Variants in CSMD1 observed in about 807,000 individuals in gnomAD.
CSMD1 encodes CUB and Sushi multiple domains 1.
In CSMD1, 213 loss-of-function variants were observed where a neutral mutation model predicts 417.5. That is an observed-to-expected ratio of 0.51 (90% CI 0.46 to 0.57). The LOEUF (loss-of-function observed/expected upper bound fraction) is 0.57. CSMD1 is among the 20% of genes least tolerant of loss of function. The pLI is 0.00. For missense variants in CSMD1, 6,923 were observed against 4,529.7 expected (o/e 1.53, Z -15.17); for synonymous variants, 2,862 against 1,736.8 (o/e 1.65, Z -16.11).
At chr8:3,293,674 A>G (rs987606886) in intron 25 of CSMD1, among the ~76,000 whole-genome samples, 1 of 152,116 alleles carries the variant, frequency 6.6e-6, no homozygotes, top group Admixed American at 6.6e-5. Flanking sequence ...GTTTTCAGCT[A>G]CATCAGGTCC....
rs76964447 is a variant in CSMD1, at chr8:3,607,901, G to C, written c.1097+8809C>G. Among the ~76,000 whole-genome samples, 437 of 152,314 alleles carry C rather than the reference G, an allele frequency of 2.9e-3. 1 individual carries two copies. Among genetic ancestry groups the C allele is most frequent in the Non-Finnish European group, 2.5e-3 (173 of 68,036 alleles). ...AGTAAAGGAAGTAGCCAGGCACAGT[G>C]GTTCATGCCTGTAATCCCAGCACTT... On this transcript the variant is annotated intron_variant, in intron 8 of 69. Transcript: ENST00000635120.
At chr8:4,768,098 G>C (rs1445147874) in intron 1 of CSMD1, among the ~76,000 whole-genome samples, 1 of 152,068 alleles carries the variant, frequency 6.6e-6, no homozygotes, top group Non-Finnish European at 1.5e-5. Context: ...GCAGTTATGT[G>C]TTCTCTCATA....
chr8:3,932,968 G>A (rs749666379), intron 5 of CSMD1, among the ~76,000 whole-genome samples: 1 of 147,044 alleles, frequency 6.8e-6, no homozygotes, highest in Non-Finnish European at 1.5e-5. Flanking sequence ...TAAATTTTTT[G>A]CTTTCTAATA....
At chr8:3,128,703 G>C (rs1368869642) in intron 41 of CSMD1, 1 of 355,674 alleles carries the variant, frequency 2.8e-6, no homozygotes, top group South Asian at 2.3e-5. Context: ...AAATAAAATA[G>C]CTCAAATTCA....
chr8:4,125,885 C>T (rs550440693), intron 3 of CSMD1, among the ~76,000 whole-genome samples: 2 of 152,258 alleles, frequency 1.3e-5, no homozygotes, highest in East Asian at 1.9e-4. Context: ...TTAGGACTTA[C>T]GGTTTAGGAG....
At chr8:4,427,376 A>C (rs1211889179) in intron 2 of CSMD1, among the ~76,000 whole-genome samples, 1 of 152,118 alleles carries the variant, frequency 6.6e-6, no homozygotes, top group Non-Finnish European at 1.5e-5. Context: ...ATCTGGAACC[A>C]GGTGCTTTAT....
intron 5 of CSMD1, among the ~76,000 whole-genome samples, chr8:3,853,627 C>A (rs1307151283): frequency 1.3e-5 from 2 of 151,818 alleles, no homozygotes; most frequent in East Asian, 1.9e-4. Flanking sequence ...AGACCTTGTG[C>A]CCCTGTGAGC....
intron 52 of CSMD1, among the ~76,000 whole-genome samples, chr8:3,008,299 T>C (rs906520755): frequency 1.3e-5 from 2 of 152,152 alleles, no homozygotes; most frequent in African/African-American, 2.4e-5. Flanking sequence ...GTGAGGTCAG[T>C]TGAGTCTGAG....
chr8:2,947,795 C>A (rs73657525), intron 68 of CSMD1, among the ~76,000 whole-genome samples: 98 of 152,264 alleles, frequency 6.4e-4, no homozygotes, highest in African/African-American at 2.3e-3. Flanking sequence ...TGCATTTATT[C>A]CATTTCATTA....
chr8:3,291,658 G>C (rs912363596), intron 25 of CSMD1, among the ~76,000 whole-genome samples: 26 of 152,010 alleles, frequency 1.7e-4, no homozygotes, highest in Non-Finnish European at 3.2e-4. Flanking sequence ...TGTTTCTGTG[G>C]GATCGGTGGT....
rs181572156 is a variant in CSMD1, at chr8:3,329,148, G to A, written c.3631+14146C>T. Among the ~76,000 whole-genome samples the A allele has an allele frequency of 4.5e-3, 690 of 152,252 alleles. 5 individuals carry two copies. Among genetic ancestry groups the A allele is most frequent in the African/African-American group, 0.016 (655 of 41,530 alleles). On this transcript the variant is annotated intron_variant, in intron 23 of 69. Transcript: ENST00000635120. ...AGGTGGAAGATATGTAATTGAAGGA[G>A]AGAGGCGATGCCATAGCACTCAAGA...
chr8:4,388,456 A>G (rs1803618681), intron 3 of CSMD1, among the ~76,000 whole-genome samples: 2 of 152,096 alleles, frequency 1.3e-5, no homozygotes, highest in Admixed American at 6.5e-5. Context: ...CTCAGGAATG[A>G]AAAACAAACA....
rs541527349 is a variant in CSMD1, at chr8:4,040,770, G to A, written c.416-8671C>T. Among the ~76,000 whole-genome samples the A allele has an allele frequency of 1.8e-4, 27 of 152,284 alleles. 1 individual carries two copies. In the South Asian group the frequency reaches 3.7e-3, roughly 21 times the overall value. On this transcript the variant is annotated intron_variant, in intron 3 of 69. Coordinates refer to ENST00000635120, the MANE Select transcript of CSMD1 (RefSeq NM_033225.6). ...AAGGTAAGCGACCAGTTGGCAAATGGATTTGAAACCTAGAGACTAGATTTT... is the reference window on the plus strand; with the variant it reads ...AAGGTAAGCGACCAGTTGGCAAATGAATTTGAAACCTAGAGACTAGATTTT...
intron 3 of CSMD1, among the ~76,000 whole-genome samples, chr8:4,069,784 G>C (rs887014593): frequency 4.6e-5 from 7 of 152,106 alleles, no homozygotes; most frequent in African/African-American, 1.4e-4. Flanking sequence ...TCCTGTTTTG[G>C]TGTTAAACAC....
At chr8:3,115,916 A>G (rs1351305992) in intron 42 of CSMD1, among the ~76,000 whole-genome samples, 1 of 152,178 alleles carries the variant, frequency 6.6e-6, no homozygotes, top group African/African-American at 2.4e-5. Context: ...TTTTCAGTAC[A>G]CTTGACCTAT....
chr8:3,548,122 A>C (rs1367630793), intron 10 of CSMD1, among the ~76,000 whole-genome samples: 1 of 152,134 alleles, frequency 6.6e-6, no homozygotes, highest in Non-Finnish European at 1.5e-5. Context: ...GAGCACTGAT[A>C]ATTATTGCTG....
intron 49 of CSMD1, among the ~76,000 whole-genome samples, chr8:3,065,206 G>C (rs1194154412): frequency 1.3e-5 from 2 of 152,064 alleles, no homozygotes; most frequent in African/African-American, 2.4e-5. Context: ...AAGATATATA[G>C]TGATAGATAA....
At chr8:3,041,312 A>G (rs1166229373) in intron 50 of CSMD1, among the ~76,000 whole-genome samples, 1 of 152,180 alleles carries the variant, frequency 6.6e-6, no homozygotes, top group East Asian at 1.9e-4. Context: ...TCTTTACAGC[A>G]TTATATTAAT....
intron 3 of CSMD1, among the ~76,000 whole-genome samples, chr8:4,256,748 T>C (rs1358435353): frequency 2.6e-5 from 4 of 151,936 alleles, no homozygotes; most frequent in Admixed American, 2.6e-4. Flanking sequence ...GGCAGTGAGG[T>C]ACAGGGCAGT....
Sources: allele counts gnomAD v4.1 joint callset (sites outside exome capture counted in the v4.1 genomes callset), GRCh38; gene constraint gnomAD v4.1.1; transcripts MANE v1.5; gene names NCBI Gene and HGNC (gene_info 2026-07-23, HGNC 2026-07-21).